The following IL18R1 variants were observed in gnomAD, a reference collection of about 807,000 sequenced individuals.
IL18R1 encodes interleukin 18 receptor 1, also known as interleukin-18 receptor 1.
IL18R1 carries 40 observed loss-of-function variants against 48.5 expected under a neutral mutation model. The ratio of observed to expected loss-of-function variants is 0.82; its 90% CI spans 0.64 to 1.07. The LOEUF (loss-of-function observed/expected upper bound fraction) is 1.07. Ranked by LOEUF, IL18R1 falls within the 50% of genes least tolerant of loss-of-function variation. The pLI, the probability that IL18R1 is intolerant of heterozygous loss-of-function variation, is 0.00. For synonymous variants in IL18R1, 232 were observed against 225.9 expected, an observed-to-expected ratio of 1.03 and a Z score of -0.24; for missense variants, 596 against 633.7, an observed-to-expected ratio of 0.94 and a Z score of 0.64.
chr2:102,356,528 A>G (rs1247991996), intron 1 of IL18R1, 128 bp downstream of exon 1: 3 of 153,440 alleles, frequency 2.0e-5, no homozygotes, highest in Non-Finnish European at 4.3e-5. Flanking sequence ...GTGTGTGTGA[A>G]TACGTGTGAA....
At chr2:102,369,904 C>T (rs1573195072) in intron 3 of IL18R1, among the ~76,000 whole-genome samples, 1 of 152,228 alleles carries the variant, frequency 6.6e-6, no homozygotes, top group African/African-American at 2.4e-5. Flanking sequence ...GAAGGGGATA[C>T]AAAAGGGATA....
At chr2:102,363,114 A>T (rs564451272) in intron 2 of IL18R1, among the ~76,000 whole-genome samples, 1 of 152,320 alleles carries the variant, frequency 6.6e-6, no homozygotes, top group African/African-American at 2.4e-5. Context: ...TACAAAAAAG[A>T]GACTGGCTAG....
chr2:102,376,107 T>G, intron 5 of IL18R1, 44 bp downstream of exon 5: 1 of 1,479,650 alleles, frequency 6.8e-7, no homozygotes, highest in Non-Finnish European at 9.0e-7. Context: ...CGTATTTTAG[T>G]AAAATGGAAT....
Position 102,375,803 on chromosome 2 carries a change from C to A in IL18R1, c.469-104C>A, listed in dbSNP as rs374965790. On this transcript the variant is annotated intron_variant, in intron 4 of 10. Coordinates refer to ENST00000233957, the MANE Select transcript of IL18R1 (RefSeq NM_003855.5). Reference sequence around the variant, plus strand: ...TGTCCAGGAATTGCTACTTTCCATTCTTTTTTCCTTTTTCTCTAAAGATCT... The same window carrying A: ...TGTCCAGGAATTGCTACTTTCCATTATTTTTTCCTTTTTCTCTAAAGATCT... 12 of 719,554 alleles carry A rather than the reference C, an allele frequency of 1.7e-5. No homozygotes were observed. In the African/African-American group the frequency reaches 2.2e-4, roughly 13 times the overall value. The allele number at this position is 719,554 out of a possible 1,614,324, so 44.6% of individuals were successfully genotyped here. A position where few individuals can be genotyped will look rare whatever the true frequency, so the allele number is the denominator to read the frequency against.
chr2:102,359,153 A>G (rs921698105), intron 1 of IL18R1, among the ~76,000 whole-genome samples: 7 of 152,206 alleles, frequency 4.6e-5, no homozygotes, highest in Admixed American at 1.3e-4. Context: ...TAGGGGAAAT[A>G]CAGGATTATT....
intron 7 of IL18R1, 127 bp downstream of exon 7, chr2:102,385,125 A>G: frequency 2.1e-6 from 1 of 486,748 alleles, no homozygotes; most frequent in East Asian, 3.9e-5. Context: ...TATAATTATA[A>G]TGGACATATT....
chr2:102,397,070 G>A lies in IL18R1; in HGVS notation c.*184G>A, dbSNP rs1231715143. ...GACTAAAGATTGCGCTGTGGGCTGT[G>A]GTCACGTGCTCCCAGAAGACCTGGA... On this transcript the variant is annotated 3_prime_UTR_variant, in exon 11 of 11. Coordinates refer to ENST00000233957, the MANE Select transcript of IL18R1 (RefSeq NM_003855.5). 4 of 518,492 alleles carry A rather than the reference G, an allele frequency of 7.7e-6. No homozygotes were observed. The highest frequency in any genetic ancestry group is 1.3e-5 in the Non-Finnish European group (4 of 296,432). 32.1% of individuals were successfully genotyped at this position (518,492 alleles called of 1,614,324 possible). A position where few individuals can be genotyped will look rare whatever the true frequency, so the allele number is the denominator to read the frequency against.
At chr2:102,368,146 T>C in intron 3 of IL18R1, 78 bp downstream of exon 3, 1 of 1,508,982 alleles carries the variant, frequency 6.6e-7, no homozygotes, top group Non-Finnish European at 9.1e-7. Context: ...TGCAGTAATC[T>C]GAAAGGTCAG....
At chr2:102,362,891 T>G in intron 2 of IL18R1, 173 bp downstream of exon 2, 1 of 406,686 alleles carries the variant, frequency 2.5e-6, no homozygotes, top group East Asian at 3.6e-5. Flanking sequence ...CATCTTGAAA[T>G]AAATTACATT....
chr2:102,379,958 G>A (rs924547623), intron 5 of IL18R1, among the ~76,000 whole-genome samples: 6 of 152,136 alleles, frequency 3.9e-5, no homozygotes, highest in African/African-American at 1.4e-4. Flanking sequence ...TACTCAGCCT[G>A]CCAAAACACC....
intron 1 of IL18R1, 38 bp downstream of exon 1, chr2:102,356,438 C>CTGGGGGGTGGGGAGGGG: frequency 1.9e-6 from 1 of 530,446 alleles, no homozygotes; most frequent in Non-Finnish European, 2.4e-6. Flanking sequence ...ATCCCCTCCC[C>CTGGGGGGTGGGGAGGGG]ACCCCCCAGA....
intron 9 of IL18R1, among the ~76,000 whole-genome samples, chr2:102,392,416 C>T (rs1680604963): frequency 6.6e-6 from 1 of 152,156 alleles, no homozygotes; most frequent in Admixed American, 6.5e-5. Flanking sequence ...TTTTTTCCTT[C>T]TCCAGTTGTG....
intron 2 of IL18R1, among the ~76,000 whole-genome samples, chr2:102,367,155 C>A (rs1246694072): frequency 2.0e-5 from 3 of 152,090 alleles, no homozygotes; most frequent in African/African-American, 7.2e-5. Context: ...GATATATTTC[C>A]AAAGCCAGAG....
chr2:102,388,202 A>G (rs975218182), intron 8 of IL18R1, among the ~76,000 whole-genome samples: 3 of 152,148 alleles, frequency 2.0e-5, no homozygotes, highest in African/African-American at 7.2e-5. Context: ...CCCCCAGCAC[A>G]CATGTTTTAG....
intron 8 of IL18R1, among the ~76,000 whole-genome samples, chr2:102,387,205 C>G (rs1326662464): frequency 6.6e-6 from 1 of 152,166 alleles, no homozygotes; most frequent in Non-Finnish European, 1.5e-5. Context: ...TTCACCTGCT[C>G]TCACAGTCAT....
intron 1 of IL18R1, among the ~76,000 whole-genome samples, chr2:102,357,881 C>CGT (rs139890958): frequency 0.014 from 2,083 of 150,826 alleles, 57 homozygotes; most frequent in African/African-American, 0.045. Flanking sequence ...AGAGTTTAAG[C>CGT]GTGTGTGTGT....
chr2:102,378,390 A>T (rs1335532884), intron 5 of IL18R1, among the ~76,000 whole-genome samples: 2 of 152,236 alleles, frequency 1.3e-5, no homozygotes, highest in Non-Finnish European at 2.9e-5. Flanking sequence ...GTACAGCTCT[A>T]GGATGGCTCT....
intron 9 of IL18R1, among the ~76,000 whole-genome samples, chr2:102,394,207 G>T (rs1361622375): frequency 6.6e-6 from 1 of 152,086 alleles, no homozygotes; most frequent in Non-Finnish European, 1.5e-5. Flanking sequence ...AAAGACTTAA[G>T]TTCCTTTAGT....
rs752336871 is a variant in IL18R1, at chr2:102,398,639, T to C, written c.*1753T>C. ...AATACATAGAATGATTTTGCTTTTC[T>C]CTTTTATTATACTTGCTTTAAAATA... On this transcript the variant is annotated 3_prime_UTR_variant, in exon 11 of 11. Transcript: ENST00000233957. 4.6e-5 allele frequency: 7 copies of C among 152,332 alleles called. No homozygotes were observed. Among genetic ancestry groups the C allele is most frequent in the Non-Finnish European group, 1.0e-4 (7 of 68,038 alleles). 9.4% of individuals were successfully genotyped at this position (152,332 alleles called of 1,614,324 possible).
Sources: allele counts gnomAD v4.1 joint callset (sites outside exome capture counted in the v4.1 genomes callset), GRCh38; gene constraint gnomAD v4.1.1; transcripts MANE v1.5; gene names NCBI Gene and HGNC (gene_info 2026-07-23, HGNC 2026-07-21).